The following LRRC3B variants were observed in gnomAD, a reference collection of about 807,000 sequenced individuals.
The protein encoded by LRRC3B is leucine-rich repeat-containing protein 3B.
A neutral mutation model predicts 12.8 loss-of-function variants in LRRC3B; 2 were observed. The ratio of observed to expected loss-of-function variants is 0.16; its 90% CI spans 0.06 to 0.49. The LOEUF (loss-of-function observed/expected upper bound fraction) is 0.49. Among genes scored for constraint, LRRC3B ranks in the 20% least tolerant of loss-of-function variants. LRRC3B has a pLI of 0.96. For synonymous variants in LRRC3B, 132 were observed against 122.0 expected (o/e 1.08, Z -0.54); for missense variants, 189 against 319.4 (o/e 0.59, Z 3.11).
chr3:26,642,408 C>A (rs149729868), intron 1 of LRRC3B, among the ~76,000 whole-genome samples: 1 of 152,074 alleles, frequency 6.6e-6, no homozygotes, highest in Non-Finnish European at 1.5e-5. Flanking sequence ...AAGATGAAGG[C>A]CTGCACCAAG....
At chr3:26,625,946 G>A (rs941912645) in intron 1 of LRRC3B, among the ~76,000 whole-genome samples, 1 of 152,198 alleles carries the variant, frequency 6.6e-6, no homozygotes, top group African/African-American at 2.4e-5. Flanking sequence ...CCAGGAAATG[G>A]TGGGGCTGAG....
chr3:26,698,279 C>A (rs1014261811), intron 1 of LRRC3B, among the ~76,000 whole-genome samples: 2 of 152,178 alleles, frequency 1.3e-5, no homozygotes, highest in African/African-American at 4.8e-5. Flanking sequence ...TTATTACCCT[C>A]ATGTTCAGAT....
At chr3:26,678,437 TG>T (rs1367344665) in intron 1 of LRRC3B, among the ~76,000 whole-genome samples, 1 of 151,888 alleles carries the variant, frequency 6.6e-6, no homozygotes, top group Non-Finnish European at 1.5e-5. Context: ...AAGGTTACAG[TG>T]ATCCAAGATC....
intron 1 of LRRC3B, among the ~76,000 whole-genome samples, chr3:26,685,521 CTCTATATATATATATATATA>C (rs1173154780): frequency 7.7e-4 from 32 of 41,512 alleles, no homozygotes; most frequent in South Asian, 2.2e-3. Context: ...CTCTCTCTCT[CTCTATATATATATATATATA>C]TATATATATA....
At chr3:26,660,302 A>G (rs1699468104) in intron 1 of LRRC3B, among the ~76,000 whole-genome samples, 1 of 152,202 alleles carries the variant, frequency 6.6e-6, no homozygotes, top group Admixed American at 6.5e-5. Context: ...ATTTTAAGCC[A>G]GAACTTTATT....
At chr3:26,684,374 C>A (rs1700030404) in intron 1 of LRRC3B, among the ~76,000 whole-genome samples, 1 of 152,194 alleles carries the variant, frequency 6.6e-6, no homozygotes, top group Non-Finnish European at 1.5e-5. Flanking sequence ...TTGCCTTGAC[C>A]ATGATATGTG....
exon 2 of LRRC3B, chr3:26,710,026 G>T: frequency 6.2e-7 from 1 of 1,614,060 alleles, no homozygotes; most frequent in Non-Finnish European, 8.5e-7. Context: ...TGCAGACTCT[G>T]GACTTGTCCG....
intron 1 of LRRC3B, among the ~76,000 whole-genome samples, chr3:26,648,910 C>G (rs1412002336): frequency 6.6e-6 from 1 of 152,190 alleles, no homozygotes; most frequent in African/African-American, 2.4e-5. Context: ...GCTTACATTC[C>G]TCCCTTGAGG....
intron 1 of LRRC3B, among the ~76,000 whole-genome samples, chr3:26,638,677 A>G (rs1345554117): frequency 6.6e-6 from 1 of 152,246 alleles, no homozygotes. Context: ...TTGACTTCAT[A>G]ATTGGTCCCT....
intron 1 of LRRC3B, among the ~76,000 whole-genome samples, chr3:26,632,763 T>C (rs911607994): frequency 3.3e-5 from 5 of 152,126 alleles, no homozygotes; most frequent in African/African-American, 1.2e-4. Context: ...ACATGGTGGA[T>C]TAGCATCCAA....
chr3:26,685,724 AC>A (rs1700074573), intron 1 of LRRC3B, among the ~76,000 whole-genome samples: 1 of 151,492 alleles, frequency 6.6e-6, no homozygotes, highest in African/African-American at 2.4e-5. Flanking sequence ...AATTTCATAT[AC>A]AATAATTCAG....
intron 1 of LRRC3B, among the ~76,000 whole-genome samples, chr3:26,662,231 T>C (rs983982155): frequency 1.3e-4 from 20 of 152,208 alleles, no homozygotes; most frequent in African/African-American, 4.8e-4. Flanking sequence ...ATTAAATTTA[T>C]TTACTGTTCT....
At chr3:26,680,809 C>A (rs9810134) in intron 1 of LRRC3B, among the ~76,000 whole-genome samples, 316 of 152,288 alleles carry the variant, frequency 2.1e-3, no homozygotes, top group African/African-American at 7.3e-3. Context: ...TAGTCTAGCC[C>A]AGACAGGGGA....
intron 1 of LRRC3B, among the ~76,000 whole-genome samples, chr3:26,652,011 C>T (rs1699274726): frequency 6.6e-6 from 1 of 152,080 alleles, no homozygotes; most frequent in Admixed American, 6.6e-5. Context: ...GGATTTGAAC[C>T]CAGGTCTAAC....
chr3:26,697,976 TC>T (rs1257099984), intron 1 of LRRC3B, among the ~76,000 whole-genome samples: 1 of 152,162 alleles, frequency 6.6e-6, no homozygotes, highest in East Asian at 1.9e-4. Context: ...TGAACGTGGA[TC>T]CCTCTTGGAA....
intron 1 of LRRC3B, among the ~76,000 whole-genome samples, chr3:26,636,844 C>CCCTCCCTG (rs1698888262): frequency 1.2e-5 from 1 of 82,542 alleles, no homozygotes; most frequent in African/African-American, 5.3e-5. Flanking sequence ...CTCCCTGCCT[C>CCCTCCCTG]CCTCCCTCCC....
intron 1 of LRRC3B, among the ~76,000 whole-genome samples, chr3:26,673,225 C>G (rs953077342): frequency 6.6e-6 from 1 of 152,040 alleles, no homozygotes; most frequent in African/African-American, 2.4e-5. Flanking sequence ...TAAAAAAAAT[C>G]AGAACATGCA....
At chr3:26,654,488 G>T (rs1432902206) in intron 1 of LRRC3B, among the ~76,000 whole-genome samples, 4 of 152,142 alleles carry the variant, frequency 2.6e-5, no homozygotes, top group Non-Finnish European at 4.4e-5. Flanking sequence ...ACAAGGCCTG[G>T]TATGATAAAT....
At chr3:26,639,858 T>C (rs978605121) in intron 1 of LRRC3B, among the ~76,000 whole-genome samples, 4 of 152,254 alleles carry the variant, frequency 2.6e-5, no homozygotes, top group African/African-American at 9.6e-5. Context: ...GTGTGACCCT[T>C]CCCAAAGGCC....
Sources: gnomAD v4.1 joint callset for allele counts (sites outside exome capture counted in the v4.1 genomes callset) on GRCh38, gnomAD v4.1.1 for gene constraint, MANE v1.5 for transcripts, NCBI Gene and HGNC (gene_info 2026-07-23, HGNC 2026-07-21) for gene names.